CLYBL: variants seen among roughly 807,000 people sequenced by gnomAD.
The protein encoded by CLYBL is citramalyl-CoA lyase.
Under a neutral mutation model 38.9 loss-of-function variants are expected in CLYBL, and 31 were observed. The observed-to-expected ratio is 0.80, with a 90% CI of 0.60 to 1.08. The LOEUF (loss-of-function observed/expected upper bound fraction) is 1.08, where lower values mean the gene tolerates loss of function less well. Ranked by LOEUF, CLYBL falls within the 50% of genes least tolerant of loss-of-function variation. The probability of loss-of-function intolerance (pLI) is 0.00; values close to 1 mark genes in which losing one functional copy is unlikely to be tolerated. For synonymous variants in CLYBL, 171 were observed against 158.6 expected (o/e 1.08, Z -0.59); for missense variants, 434 against 411.6 (o/e 1.05, Z -0.47).
At chr13:99,723,236 G>A (rs1375757733) in intron 1 of CLYBL, among the ~76,000 whole-genome samples, 4 of 152,168 alleles carry the variant, frequency 2.6e-5, no homozygotes, top group African/African-American at 7.2e-5. Flanking sequence ...CATATGGTGG[G>A]TTTTTCATAT....
At chr13:99,718,208 G>A (rs1439708410) in intron 1 of CLYBL, among the ~76,000 whole-genome samples, 4 of 152,008 alleles carry the variant, frequency 2.6e-5, no homozygotes, top group Non-Finnish European at 5.9e-5. Flanking sequence ...CTTCCTAGGG[G>A]AATGGGGAGA....
chr13:99,830,958 A>T (rs2050792286), intron 2 of CLYBL, among the ~76,000 whole-genome samples: 2 of 152,244 alleles, frequency 1.3e-5, no homozygotes, highest in South Asian at 4.1e-4. Context: ...TCCAATGACA[A>T]GTGTCTTTTT....
At chr13:99,906,453 T>G (rs1461995379) in intron 9 of CLYBL, among the ~76,000 whole-genome samples, 2 of 151,914 alleles carry the variant, frequency 1.3e-5, no homozygotes, top group African/African-American at 2.4e-5. Context: ...TTTTCTTTTT[T>G]GAGACAAAGT....
chr13:99,709,108 A>G lies in CLYBL; in HGVS notation c.63-63716A>G, dbSNP rs566634409. Among the ~76,000 whole-genome samples the G allele has an allele frequency of 5.9e-5, 9 of 152,222 alleles. No individual in the cohort carries two copies. The South Asian group carries it at 1.9e-3, about 32-fold the overall frequency. On this transcript the variant is annotated intron_variant, in intron 1 of 8. Transcript: ENST00000339105. ...ACTCTGTCTAAAAAAAAAGAAAGAAAAAAAAGGAGTGATTAGGTTGGGCAC... is the reference window on the plus strand; with the variant it reads ...ACTCTGTCTAAAAAAAAAGAAAGAAGAAAAAGGAGTGATTAGGTTGGGCAC...
chr13:99,846,322 TA>T (rs1291247486), intron 2 of CLYBL, among the ~76,000 whole-genome samples: 1 of 149,432 alleles, frequency 6.7e-6, no homozygotes, highest in Non-Finnish European at 1.5e-5. Flanking sequence ...GACGGGGTCT[TA>T]CTCTGTCACC....
intron 1 of CLYBL, among the ~76,000 whole-genome samples, chr13:99,641,670 G>C (rs1272546346): frequency 1.3e-5 from 2 of 151,404 alleles, no homozygotes; most frequent in Non-Finnish European, 2.9e-5. Flanking sequence ...AAATTAGCCA[G>C]GCATGGCAGC....
At chr13:99,659,706 C>G (rs897133660) in intron 1 of CLYBL, among the ~76,000 whole-genome samples, 64 of 152,192 alleles carry the variant, frequency 4.2e-4, no homozygotes, top group Middle Eastern at 3.4e-3. Context: ...TACATATTGG[C>G]ATAGTTTTAT....
chr13:99,786,587 T>A (rs1325717402), intron 2 of CLYBL, among the ~76,000 whole-genome samples: 4 of 152,216 alleles, frequency 2.6e-5, no homozygotes, highest in Non-Finnish European at 5.9e-5. Flanking sequence ...GTGCCACATT[T>A]TCTTAATCCA....
chr13:99,683,949 A>G (rs11619680), intron 1 of CLYBL, among the ~76,000 whole-genome samples: 41,440 of 148,810 alleles, frequency 0.28, 6,929 homozygotes, highest in East Asian at 0.56. Flanking sequence ...GCTCACTGCA[A>G]GCTCCACCTC....
intron 2 of CLYBL, among the ~76,000 whole-genome samples, chr13:99,850,450 C>G (rs559954863): frequency 1.3e-5 from 2 of 152,306 alleles, no homozygotes; most frequent in African/African-American, 2.4e-5. Context: ...AAACAAAACC[C>G]ATTGAGCATG....
chr13:99,610,167 A>C (rs1328384848), intron 1 of CLYBL, among the ~76,000 whole-genome samples: 1 of 152,220 alleles, frequency 6.6e-6, no homozygotes, highest in East Asian at 1.9e-4. Context: ...CCTCCAAAGC[A>C]GTGGAATTCT....
In CLYBL at chr13:99,836,465, C is replaced by G. The variant is rs867090510; in HGVS notation, c.250-22396C>G. ...AGTGCAGTAAGGTAGGAGGTAGGGC[C>G]AGGAGGAAATAGGCCCGCACCAAAT... On this transcript the variant is annotated intron_variant, in intron 2 of 8. Coordinates refer to ENST00000339105, the MANE Select transcript of CLYBL (RefSeq NM_206808.5). Among the ~76,000 whole-genome samples the G allele has an allele frequency of 2.6e-4, 40 of 152,164 alleles. 1 individual carries two copies. The highest frequency in any genetic ancestry group is 3.4e-3 in the Middle Eastern group (1 of 294).
chr13:99,905,076 T>C (rs2052681993), intron 8 of CLYBL, among the ~76,000 whole-genome samples: 1 of 150,174 alleles, frequency 6.7e-6, no homozygotes, highest in African/African-American at 2.5e-5. Flanking sequence ...GGAAAGGGGG[T>C]GCTTCACACT....
chr13:99,896,897 C>G (rs548215223), downstream of CLYBL: 24 of 152,316 alleles, frequency 1.6e-4, no homozygotes, highest in Admixed American at 1.2e-3. Flanking sequence ...TTCATTTAGT[C>G]ATTCAACAGA....
chr13:99,835,599 A>G (rs2050917077), intron 2 of CLYBL, among the ~76,000 whole-genome samples: 1 of 152,248 alleles, frequency 6.6e-6, no homozygotes, highest in East Asian at 1.9e-4. Flanking sequence ...GGTTGCTGTG[A>G]GCCATCAGCT....
At chr13:99,818,392 A>G (rs2139018252) in intron 2 of CLYBL, among the ~76,000 whole-genome samples, 1 of 152,036 alleles carries the variant, frequency 6.6e-6, no homozygotes, top group East Asian at 1.9e-4. Flanking sequence ...GTTACGGGTT[A>G]AAGATGATAA....
chr13:99,643,055 T>C (rs2047120064), intron 1 of CLYBL: 1 of 153,880 alleles, frequency 6.5e-6, no homozygotes, highest in Non-Finnish European at 1.5e-5. Context: ...ATAGAAGCCC[T>C]TTTAAGCTGC....
intron 2 of CLYBL, among the ~76,000 whole-genome samples, chr13:99,824,255 T>C (rs547031297): frequency 5.4e-5 from 5 of 92,258 alleles, no homozygotes; most frequent in Non-Finnish European, 8.7e-5. Context: ...TTCTGACTAA[T>C]AGCCCCCCCC....
At chr13:99,706,896 G>A (rs910632059) in intron 1 of CLYBL, among the ~76,000 whole-genome samples, 2 of 152,150 alleles carry the variant, frequency 1.3e-5, no homozygotes, top group Non-Finnish European at 2.9e-5. Flanking sequence ...TTGACCTCCT[G>A]GGCTGAAGCC....
Sources: gnomAD v4.1 joint callset for allele counts (sites outside exome capture counted in the v4.1 genomes callset) on GRCh38, gnomAD v4.1.1 for gene constraint, MANE v1.5 for transcripts, NCBI Gene and HGNC (gene_info 2026-07-23, HGNC 2026-07-21) for gene names.